Variants in EPB41L4A observed in about 807,000 individuals in gnomAD.
EPB41L4A encodes the protein erythrocyte membrane protein band 4.1 like 4A, also known as band 4.1-like protein 4A.
In EPB41L4A, 100 loss-of-function variants were observed where a neutral mutation model predicts 108.6. The ratio of observed to expected loss-of-function variants is 0.92; its 90% CI spans 0.78 to 1.09. EPB41L4A has a LOEUF of 1.09. Ranked by LOEUF, EPB41L4A falls within the 50% of genes least tolerant of loss-of-function variation. The pLI is 0.00. For synonymous variants in EPB41L4A, 319 were observed against 289.0 expected (o/e 1.10, Z -1.05); for missense variants, 1,030 against 842.7 (o/e 1.22, Z -2.75).
chr5:112,233,115 C>A (rs1480877728), intron 12 of EPB41L4A, among the ~76,000 whole-genome samples: 1 of 151,952 alleles, frequency 6.6e-6, no homozygotes, highest in Non-Finnish European at 1.5e-5. Context: ...CAAGAATACT[C>A]ACAGCAAGAA....
At chr5:112,223,424 A>G (rs113227995) in intron 12 of EPB41L4A, among the ~76,000 whole-genome samples, 121 of 152,296 alleles carry the variant, frequency 7.9e-4, no homozygotes, top group African/African-American at 2.9e-3. Context: ...AAATACTGGC[A>G]TAGAAACCAT....
At chr5:112,318,394 G>A (rs1402755415) in intron 1 of EPB41L4A, among the ~76,000 whole-genome samples, 1 of 152,156 alleles carries the variant, frequency 6.6e-6, no homozygotes, top group Non-Finnish European at 1.5e-5. Context: ...TTTCATCACT[G>A]TCTAGGATCC....
intron 12 of EPB41L4A, among the ~76,000 whole-genome samples, chr5:112,156,505 G>A (rs1448966637): frequency 6.6e-6 from 1 of 152,066 alleles, no homozygotes; most frequent in Non-Finnish European, 1.5e-5. Flanking sequence ...CCCGTTTTTT[G>A]TTCTATTGAG....
chr5:112,151,780 G>C (rs376495399), intron 12 of EPB41L4A, among the ~76,000 whole-genome samples: 7 of 151,454 alleles, frequency 4.6e-5, no homozygotes, highest in Admixed American at 2.6e-4. Context: ...GCTCAAACTG[G>C]AGTGCAATGG....
At chr5:112,192,156 G>A (rs1179498822) in intron 17 of EPB41L4A, 1 of 152,318 alleles carries the variant, frequency 6.6e-6, no homozygotes, top group African/African-American at 2.4e-5. Flanking sequence ...GGGATGAGTG[G>A]GTTCCGGCAA....
chr5:112,206,804 A>C (rs1762495217), intron 13 of EPB41L4A: 1 of 152,274 alleles, frequency 6.6e-6, no homozygotes. Flanking sequence ...TTCAAGTACC[A>C]GTATCATCAC....
intron 3 of EPB41L4A, among the ~76,000 whole-genome samples, chr5:112,276,282 T>A (rs913932939): frequency 2.6e-5 from 4 of 152,170 alleles, no homozygotes; most frequent in African/African-American, 4.8e-5. Context: ...AACTTTTTTT[T>A]AAAATCAGAA....
At chr5:112,159,464 C>T (rs1759770509), downstream of EPB41L4A, among the ~76,000 whole-genome samples, 3 of 152,212 alleles carry the variant, frequency 2.0e-5, no homozygotes, top group South Asian at 6.2e-4. Flanking sequence ...TTAACAAACT[C>T]TGCTTAATTT....
intron 1 of EPB41L4A, among the ~76,000 whole-genome samples, chr5:112,418,034 C>G (rs1488664570): frequency 6.6e-6 from 1 of 151,418 alleles, no homozygotes; most frequent in Non-Finnish European, 1.5e-5. Context: ...AAAGCCAGCT[C>G]TATCAGAGCG....
intron 6 of EPB41L4A, 119 bp from the exon 7 acceptor site, chr5:112,262,700 C>T (rs930558639): frequency 5.6e-5 from 46 of 821,822 alleles, no homozygotes; most frequent in Middle Eastern, 2.3e-4. Context: ...CTAATGCAAA[C>T]TTAAGTCCTT....
intron 15 of EPB41L4A, among the ~76,000 whole-genome samples, chr5:112,200,260 G>A (rs776897862): frequency 5.3e-5 from 8 of 152,038 alleles, no homozygotes; most frequent in South Asian, 2.1e-4. Flanking sequence ...AGATCCTGGC[G>A]CAAGCATCCA....
intron 19 of EPB41L4A, 95 bp from the exon 20 acceptor site, chr5:112,170,464 T>C (rs1760511814): frequency 1.2e-6 from 1 of 816,214 alleles, no homozygotes; most frequent in Non-Finnish European, 2.0e-6. Flanking sequence ...TTTCTAATCT[T>C]GTCCCAAAAC....
intron 1 of EPB41L4A, among the ~76,000 whole-genome samples, chr5:112,402,663 GA>G (rs889221083): frequency 6.6e-6 from 1 of 151,990 alleles, no homozygotes; most frequent in African/African-American, 2.4e-5. Context: ...CCCCTGGGGA[GA>G]AAAAAAATCC....
chr5:112,283,269 A>G (rs966917755), intron 2 of EPB41L4A, among the ~76,000 whole-genome samples: 20 of 152,222 alleles, frequency 1.3e-4, no homozygotes, highest in Non-Finnish European at 5.9e-5. Context: ...TCATTTGATC[A>G]AAATGGAAAC....
intron 2 of EPB41L4A, among the ~76,000 whole-genome samples, chr5:112,289,175 G>C (rs1406993840): frequency 1.3e-5 from 2 of 152,078 alleles, no homozygotes; most frequent in African/African-American, 4.8e-5. Flanking sequence ...GGCTAGAGAA[G>C]GATCTACAGA....
chr5:112,239,189 G>A (rs1749588124), intron 11 of EPB41L4A, among the ~76,000 whole-genome samples: 2 of 152,198 alleles, frequency 1.3e-5, no homozygotes, highest in African/African-American at 4.8e-5. Flanking sequence ...CTTAGTAACT[G>A]CTCAATAAAG....
At chr5:112,303,453 C>A (rs1303856954) in intron 2 of EPB41L4A, among the ~76,000 whole-genome samples, 1 of 152,098 alleles carries the variant, frequency 6.6e-6, no homozygotes, top group Non-Finnish European at 1.5e-5. Context: ...TGGGCCTGAA[C>A]AGAGTTAGAG....
intron 18 of EPB41L4A, among the ~76,000 whole-genome samples, chr5:112,177,412 A>G (rs879212677): frequency 6.6e-6 from 1 of 152,202 alleles, no homozygotes; most frequent in Non-Finnish European, 1.5e-5. Context: ...ATCCAGGATA[A>G]TATCTCTGGG....
intron 12 of EPB41L4A, among the ~76,000 whole-genome samples, chr5:112,155,121 A>G (rs1408787064): frequency 3.3e-5 from 5 of 152,176 alleles, no homozygotes; most frequent in Non-Finnish European, 7.4e-5. Context: ...TTTAATTAAG[A>G]AAAAGAATGC....
Sources: allele counts gnomAD v4.1 joint callset (sites outside exome capture counted in the v4.1 genomes callset), GRCh38; gene constraint gnomAD v4.1.1; transcripts MANE v1.5; gene names NCBI Gene and HGNC (gene_info 2026-07-23, HGNC 2026-07-21).